The following PDE1C variants were observed in gnomAD, a reference collection of about 807,000 sequenced individuals.
PDE1C encodes the protein dual specificity calcium/calmodulin-dependent 3',5'-cyclic nucleotide phosphodiesterase 1C.
In PDE1C, 62 loss-of-function variants were observed where a neutral mutation model predicts 93.1. The observed-to-expected ratio is 0.67, with a 90% confidence interval of 0.54 to 0.82. PDE1C has a LOEUF of 0.82. PDE1C is among the 40% of genes least tolerant of loss of function. The probability of loss-of-function intolerance (pLI) is 0.00; values close to 1 mark genes in which losing one functional copy is unlikely to be tolerated. For missense variants in PDE1C, 742 were observed against 884.6 expected, an observed-to-expected ratio of 0.84 and a Z score of 2.04; for synonymous variants, 325 against 310.1, an observed-to-expected ratio of 1.05 and a Z score of -0.50.
At chr7:32,124,847 G>A (rs908567046) in intron 3 of PDE1C, among the ~76,000 whole-genome samples, 21 of 152,116 alleles carry the variant, frequency 1.4e-4, no homozygotes, top group African/African-American at 5.1e-4. Flanking sequence ...AAAAGCAATT[G>A]CAACAAGAGC....
chr7:32,418,469 T>C (rs1785321340), intron 1 of PDE1C, among the ~76,000 whole-genome samples: 1 of 152,232 alleles, frequency 6.6e-6, no homozygotes, highest in Non-Finnish European at 1.5e-5. Flanking sequence ...TTAACGTCTA[T>C]TGTTCCTATG....
At chr7:32,294,392 C>A (rs1428039725) in intron 1 of PDE1C, among the ~76,000 whole-genome samples, 5 of 152,224 alleles carry the variant, frequency 3.3e-5, no homozygotes, top group African/African-American at 9.6e-5. Flanking sequence ...GACATTCACT[C>A]CGCTAACTTC....
the PDE1C span, among the ~76,000 whole-genome samples, chr7:31,649,059 T>G: frequency 6.6e-6 from 1 of 152,184 alleles, no homozygotes; most frequent in African/African-American, 2.4e-5. Context: ...TCAAATTCAC[T>G]CACATTGATG....
chr7:32,327,828 C>CA (rs1783435728), intron 1 of PDE1C, among the ~76,000 whole-genome samples: 1 of 130,952 alleles, frequency 7.6e-6, no homozygotes, highest in Non-Finnish European at 1.7e-5. Flanking sequence ...TGTCTGGCTT[C>CA]TTTCACTCAA....
At chr7:31,925,405 T>C (rs1286574547) in intron 2 of PDE1C, among the ~76,000 whole-genome samples, 1 of 152,116 alleles carries the variant, frequency 6.6e-6, no homozygotes, top group Admixed American at 6.6e-5. Context: ...GGTTCACACA[T>C]ACAATAAAGT....
intron 13 of PDE1C, among the ~76,000 whole-genome samples, chr7:31,823,981 G>A (rs144782920): frequency 5.5e-4 from 84 of 152,198 alleles, no homozygotes; most frequent in African/African-American, 2.0e-3. Context: ...TGGGGCCATG[G>A]GGACTCTGGC....
At chr7:32,007,326 C>T (rs915586667) in intron 2 of PDE1C, among the ~76,000 whole-genome samples, 13 of 152,168 alleles carry the variant, frequency 8.5e-5, no homozygotes, top group Admixed American at 2.0e-4. Flanking sequence ...CACCTCAGCA[C>T]GTCTACCACA....
rs903598460 is a variant in PDE1C at position 32,381,395 on chromosome 7, C to T, written c.310+46427G>A. ...TTCACAGCTCTGCTCAACTCACCCT[C>T]ACCATGGCATTTCATCTCCCTTATA... On this transcript the variant is annotated intron_variant, in intron 1 of 1. Transcript: ENST00000672256. Among the ~76,000 whole-genome samples the T allele has an allele frequency of 2.6e-5, 4 of 152,242 alleles. No individual in the cohort carries two copies. The East Asian group carries it at 5.8e-4, about 22-fold the overall frequency.
chr7:32,399,094 A>C (rs73305839), intron 1 of PDE1C, among the ~76,000 whole-genome samples: 264 of 152,314 alleles, frequency 1.7e-3, no homozygotes, highest in African/African-American at 6.3e-3. Flanking sequence ...ACAGTGAACT[A>C]TGTCACTATT....
At chr7:32,050,098 T>C (rs1040458590) in intron 2 of PDE1C, among the ~76,000 whole-genome samples, 3 of 152,156 alleles carry the variant, frequency 2.0e-5, no homozygotes, top group Non-Finnish European at 4.4e-5. Flanking sequence ...TATCTAAACA[T>C]AGAAAAGCTA....
At chr7:31,700,783 T>C in the PDE1C span, among the ~76,000 whole-genome samples, 1 of 152,026 alleles carries the variant, frequency 6.6e-6, no homozygotes, top group Non-Finnish European at 1.5e-5. Context: ...CCCTTATGAA[T>C]TATGTTAAAT....
chr7:31,655,837 C>T, the PDE1C span: 59 of 985,450 alleles, frequency 6.0e-5, no homozygotes, highest in Non-Finnish European at 6.5e-5. Context: ...CCTGCAGTTT[C>T]TTCCTTGCTC....
rs1192486742 is a variant in PDE1C, at chr7:31,752,075, T to TCCTA, written c.*1305_*1308dup. On this transcript the variant is annotated 3_prime_UTR_variant, in exon 18 of 18. Transcript: ENST00000396191. ...ACAAAGTGCAGAGTGTGTATATGAA[T>TCCTA]CCTAGTTTCTAGTTAAGCAAATGGA... 4 of 152,184 alleles carry TCCTA rather than the reference T, an allele frequency of 2.6e-5. No homozygotes were observed. 9.4% of individuals were successfully genotyped at this position (152,184 alleles called of 1,614,324 possible).
chr7:32,200,884 T>C (rs1804960010), intron 2 of PDE1C, among the ~76,000 whole-genome samples: 1 of 152,166 alleles, frequency 6.6e-6, no homozygotes, highest in Non-Finnish European at 1.5e-5. Flanking sequence ...TAGTTACAAA[T>C]ATTTTTGGAA....
chr7:31,651,252 C>T, the PDE1C span: 340 of 1,613,104 alleles, frequency 2.1e-4, no homozygotes, highest in Non-Finnish European at 2.8e-4. Context: ...TTTCCAGGGA[C>T]ATGTCAGAGG....
chr7:31,746,378 G>T (rs1228935072), downstream of PDE1C, among the ~76,000 whole-genome samples: 1 of 152,188 alleles, frequency 6.6e-6, no homozygotes, highest in Admixed American at 6.5e-5. Flanking sequence ...TCAGGGAGAA[G>T]ACTGTACAAG....
intron 2 of PDE1C, among the ~76,000 whole-genome samples, chr7:32,019,023 C>T (rs1181473421): frequency 6.6e-6 from 1 of 151,682 alleles, no homozygotes; most frequent in African/African-American, 2.4e-5. Flanking sequence ...CTGACTGATA[C>T]ATTAACTCCT....
At chr7:31,865,785 A>G (rs1795217634) in intron 6 of PDE1C, among the ~76,000 whole-genome samples, 1 of 152,190 alleles carries the variant, frequency 6.6e-6, no homozygotes, top group Non-Finnish European at 1.5e-5. Context: ...TGTCCAATGT[A>G]TATAACCACT....
Position 32,044,377 on chromosome 7 carries a change from C to T in PDE1C, c.128+7177G>A, listed in dbSNP as rs577779019. Among the ~76,000 whole-genome samples the T allele has an allele frequency of 1.1e-4, 16 of 152,206 alleles. No individual in the cohort carries two copies. The South Asian group carries it at 3.3e-3, about 32-fold the overall frequency. ...AGGGTGAATGGAACAAGGTAACAGA[C>T]AAAGCAGCAAAGTTTAGGTGGAAGC... On this transcript the variant is annotated intron_variant, in intron 2 of 17. Coordinates refer to ENST00000396191, the MANE Select transcript of PDE1C (RefSeq NM_001191057.4).
Sources: allele counts gnomAD v4.1 joint callset (sites outside exome capture counted in the v4.1 genomes callset), GRCh38; gene constraint gnomAD v4.1.1; transcripts MANE v1.5; gene names NCBI Gene and HGNC (gene_info 2026-07-23, HGNC 2026-07-21).